PDE2A: variants seen among roughly 807,000 people sequenced by gnomAD.
The protein encoded by PDE2A is phosphodiesterase 2A.
In PDE2A, 53 loss-of-function variants were observed where a neutral mutation model predicts 133.6. The observed-to-expected ratio is 0.40, with a 90% CI of 0.32 to 0.50. The LOEUF is 0.50. PDE2A is among the 20% of genes least tolerant of loss of function. The pLI, the probability that PDE2A is intolerant of heterozygous loss-of-function variation, is 0.73. For synonymous variants in PDE2A, 491 were observed against 490.2 expected, an observed-to-expected ratio of 1.00 and a Z score of -0.02; for missense variants, 796 against 1,232.4, an observed-to-expected ratio of 0.65 and a Z score of 5.30.
At chr11:72,614,142 G>A (rs1300428869) in intron 2 of PDE2A, among the ~76,000 whole-genome samples, 1 of 152,194 alleles carries the variant, frequency 6.6e-6, no homozygotes, top group Non-Finnish European at 1.5e-5. Flanking sequence ...GCAGAACAAG[G>A]CGGTTCCTCC....
intron 1 of PDE2A, among the ~76,000 whole-genome samples, chr11:72,644,178 A>G (rs1338415503): frequency 6.6e-6 from 1 of 152,072 alleles, no homozygotes; most frequent in African/African-American, 2.4e-5. Flanking sequence ...CCTGGTTACT[A>G]CCTTATCCCT....
In PDE2A at chr11:72,590,314, G is replaced by A; in HGVS notation, c.704-70C>T. On this transcript the variant is annotated intron_variant, in intron 8 of 30. Coordinates refer to ENST00000334456, the MANE Select transcript of PDE2A (RefSeq NM_002599.5). The surrounding 1 kb of genome is among the most constrained non-coding windows in gnomAD (Gnocchi z 4.8). Reference sequence around the variant, plus strand: ...TCCGTGTCCGGGTCCCTCAGGCGCCGCTCAGCTCCGCGCCGGGCCCGCCGC... The same window carrying A: ...TCCGTGTCCGGGTCCCTCAGGCGCCACTCAGCTCCGCGCCGGGCCCGCCGC... 6.5e-7 allele frequency: 1 copy of A among 1,537,370 alleles called. No individual in the cohort carries two copies. Among genetic ancestry groups the A allele is most frequent in the African/African-American group, 1.4e-5 (1 of 72,838 alleles).
Position 72,590,126 on chromosome 11 carries a change from A to G in PDE2A, c.756+66T>C. The G allele has an allele frequency of 6.9e-7, 1 of 1,455,024 alleles. No homozygotes were observed. Among genetic ancestry groups the G allele is most frequent in the South Asian group, 1.2e-5 (1 of 80,680 alleles). The allele number at this position is 1,455,024 out of a possible 1,614,324, so 90.1% of individuals were successfully genotyped here. ...TAATTGGAACTGAGATGGAGGGCTC[A>G]AGGGGAAGTTGGTCCCCGGAGGGAG... On this transcript the variant is annotated intron_variant, in intron 9 of 30. Coordinates refer to ENST00000334456, the MANE Select transcript of PDE2A (RefSeq NM_002599.5). This position sits in a 1 kb window ranked among gnomAD's most constrained non-coding sequence, Gnocchi z 4.8.
chr11:72,663,436 G>GT (rs2135460613), intron 1 of PDE2A, among the ~76,000 whole-genome samples: 1 of 152,332 alleles, frequency 6.6e-6, no homozygotes, highest in South Asian at 2.1e-4. Flanking sequence ...ATGTGACAAA[G>GT]TGAGTGTTCA....
chr11:72,655,257 G>T (rs778096855), intron 1 of PDE2A, among the ~76,000 whole-genome samples: 1 of 149,778 alleles, frequency 6.7e-6, no homozygotes, highest in Non-Finnish European at 1.5e-5. Context: ...AGGGATGATC[G>T]ATCGACTGTC....
chr11:72,631,747 C>T (rs1858395876), intron 2 of PDE2A, among the ~76,000 whole-genome samples: 1 of 152,138 alleles, frequency 6.6e-6, no homozygotes, highest in East Asian at 1.9e-4. Context: ...GAGACACTGC[C>T]ACAGCAGCCT....
chr11:72,638,311 A>G (rs1858795047), intron 2 of PDE2A, among the ~76,000 whole-genome samples: 1 of 152,200 alleles, frequency 6.6e-6, no homozygotes, highest in Non-Finnish European at 1.5e-5. Flanking sequence ...GTTTCCCTAG[A>G]CAGAGCTGGA....
At chr11:72,589,336 C>T in intron 11 of PDE2A, 96 bp from the exon 12 acceptor site, 1 of 895,166 alleles carries the variant, frequency 1.1e-6, no homozygotes, top group Non-Finnish European at 1.8e-6. Context: ...TTTCAAAGAA[C>T]CCTTCAGTCA....
Position 72,581,820 on chromosome 11 carries a change from T to A in PDE2A, c.1922+57A>T, listed in dbSNP as rs546355175. On this transcript the variant is annotated intron_variant, in intron 22 of 30. Transcript: ENST00000334456. Reference sequence around the variant, plus strand: ...TCTCCAGAATGCCGGGGGCAACGGATGTGACAGTAGAGGAAAGAGGGAGGC... The same window carrying A: ...TCTCCAGAATGCCGGGGGCAACGGAAGTGACAGTAGAGGAAAGAGGGAGGC... 31 of 1,487,552 alleles carry A rather than the reference T, an allele frequency of 2.1e-5. No individual in the cohort carries two copies. The African/African-American group carries it at 2.9e-4, about 14-fold the overall frequency. 92.1% of individuals were successfully genotyped at this position (1,487,552 alleles called of 1,614,324 possible). A position where few individuals can be genotyped will look rare whatever the true frequency, so the allele number is the denominator to read the frequency against.
intron 2 of PDE2A, among the ~76,000 whole-genome samples, chr11:72,612,718 T>C (rs1360693843): frequency 1.1e-5 from 1 of 93,010 alleles, no homozygotes; most frequent in African/African-American, 4.2e-5. Context: ...GATAGGTAGA[T>C]GGGTGGCTGG....
intron 24 of PDE2A, 102 bp from the exon 25 acceptor site, chr11:72,580,726 T>A: frequency 9.1e-7 from 1 of 1,096,752 alleles, no homozygotes; most frequent in Non-Finnish European, 1.4e-6. Flanking sequence ...TCTCCCCTCC[T>A]CCCTATCTCA....
intron 4 of PDE2A, chr11:72,598,612 G>A: frequency 7.8e-7 from 1 of 1,289,070 alleles, no homozygotes. Context: ...GCCTGGCCTG[G>A]ACAGAAGAGA....
intron 2 of PDE2A, among the ~76,000 whole-genome samples, chr11:72,617,152 G>A (rs920626507): frequency 6.6e-6 from 1 of 152,210 alleles, no homozygotes; most frequent in Non-Finnish European, 1.5e-5. Context: ...TCAGATGTCG[G>A]GTAAGGCTGA....
chr11:72,668,684 T>A (rs1157110823), intron 1 of PDE2A, among the ~76,000 whole-genome samples: 1 of 152,276 alleles, frequency 6.6e-6, no homozygotes. Context: ...GCTCCCAGAA[T>A]GGCTCACAGA....
At chr11:72,584,382 G>C in intron 18 of PDE2A, 69 bp from the exon 19 acceptor site, 1 of 1,274,692 alleles carries the variant, frequency 7.8e-7, no homozygotes, top group South Asian at 1.2e-5. Context: ...GGATCCGGCC[G>C]GGACCTGCCC....
chr11:72,673,746 C>T (rs1055791331), intron 1 of PDE2A, among the ~76,000 whole-genome samples: 1 of 27,246 alleles, frequency 3.7e-5, no homozygotes, highest in Non-Finnish European at 8.7e-5. Context: ...AGACACTCTC[C>T]CTCTCCGGGT....
intron 2 of PDE2A, among the ~76,000 whole-genome samples, chr11:72,613,534 C>T (rs1378737264): frequency 6.6e-6 from 1 of 151,980 alleles, no homozygotes; most frequent in Non-Finnish European, 1.5e-5. Context: ...CACCTCTGTC[C>T]CAGGCTGCAC....
At chr11:72,642,017 G>T (rs946115365) in intron 2 of PDE2A, among the ~76,000 whole-genome samples, 3 of 152,248 alleles carry the variant, frequency 2.0e-5, no homozygotes, top group Admixed American at 1.3e-4. Flanking sequence ...TGGACTGGAA[G>T]CTCAGTGCTT....
At position 72,577,227 on chromosome 11, in the gene PDE2A, G is replaced by A. The variant is rs112055673; in HGVS notation, c.*157C>T. The A allele has an allele frequency of 1.6e-4, 97 of 606,726 alleles. 1 individual carries two copies. The highest frequency in any genetic ancestry group is 9.1e-4 in the Admixed American group (31 of 34,158). The allele number at this position is 606,726 out of a possible 1,614,324, so 37.6% of individuals were successfully genotyped here. A position where few individuals can be genotyped will look rare whatever the true frequency, so the allele number is the denominator to read the frequency against. ...GAAGTCTTGCTTCCATTATACAGAC[G>A]AGAAAGCTGAGGCCCAGGAAGGTAG... On this transcript the variant is annotated 3_prime_UTR_variant, in exon 31 of 31. Transcript: ENST00000334456.
Sources: gnomAD v4.1 joint callset for allele counts (sites outside exome capture counted in the v4.1 genomes callset) on GRCh38, gnomAD v4.1.1 for gene constraint, Gnocchi (gnomAD v3.1) non-coding constraint, MANE v1.5 for transcripts, NCBI Gene and HGNC (gene_info 2026-07-23, HGNC 2026-07-21) for gene names.